Variants in PTGIS observed in about 807,000 individuals in gnomAD.
PTGIS encodes the protein prostaglandin I2 synthase.
A neutral mutation model predicts 50.3 loss-of-function variants in PTGIS; 45 were observed. That is an observed-to-expected ratio of 0.90 (90% CI 0.70 to 1.15). PTGIS has a LOEUF of 1.15. PTGIS is among the 50% of genes most tolerant of loss of function. The probability of loss-of-function intolerance (pLI) is 0.00; values close to 1 mark genes in which losing one functional copy is unlikely to be tolerated. For missense variants in PTGIS, 668 were observed against 661.3 expected (o/e 1.01, Z -0.11); for synonymous variants, 260 against 267.7 (o/e 0.97, Z 0.28).
At chr20:49,547,808 GC>G in intron 3 of PTGIS, 32 bp downstream of exon 3, 2 of 1,611,628 alleles carry the variant, frequency 1.2e-6, no homozygotes, top group East Asian at 2.2e-5. Flanking sequence ...GCCCACCCTG[GC>G]CCTCCCACAG....
Position 49,565,635 on chromosome 20 carries a change from G to A in PTGIS, c.74+2408C>T, listed in dbSNP as rs188205226. Among the ~76,000 whole-genome samples the A allele has an allele frequency of 3.0e-4, 46 of 152,286 alleles. 1 individual carries two copies. In the East Asian group the frequency reaches 8.7e-3, roughly 29 times the overall value. On this transcript the variant is annotated intron_variant, in intron 1 of 9. Transcript: ENST00000244043. ...AGCTATAATTGTACACTGCACTCCA[G>A]CCTGGGCCACAGTGTGAGATCCTAT... is the stretch of plus-strand genomic sequence containing the variant.
At chr20:49,552,143 C>T (rs142736666) in intron 1 of PTGIS, among the ~76,000 whole-genome samples, 315 of 150,944 alleles carry the variant, frequency 2.1e-3, no homozygotes, top group African/African-American at 3.5e-3. Flanking sequence ...TTTTGTATTG[C>T]GTTATCTGAT....
chr20:49,559,285 T>C (rs1356263013), intron 1 of PTGIS, among the ~76,000 whole-genome samples: 1 of 152,238 alleles, frequency 6.6e-6, no homozygotes, highest in Non-Finnish European at 1.5e-5. Flanking sequence ...CCATGATTTT[T>C]ATCTTCTATA....
At chr20:49,541,268 C>T (rs1397272500) in intron 4 of PTGIS, among the ~76,000 whole-genome samples, 1 of 151,926 alleles carries the variant, frequency 6.6e-6, no homozygotes, top group East Asian at 1.9e-4. Context: ...TAGACAGACA[C>T]GTGCTTGCCA....
At chr20:49,521,285 T>A (rs930068504) in intron 6 of PTGIS, among the ~76,000 whole-genome samples, 1 of 152,180 alleles carries the variant, frequency 6.6e-6, no homozygotes, top group African/African-American at 2.4e-5. Context: ...AAATCAGGAT[T>A]CAAACTCAGG....
intron 8 of PTGIS, among the ~76,000 whole-genome samples, chr20:49,511,999 G>T (rs115219892): frequency 0.018 from 2,688 of 152,166 alleles, 90 homozygotes; most frequent in African/African-American, 0.062. Context: ...ATGGATGGGT[G>T]GATAAGTAGA....
intron 8 of PTGIS, among the ~76,000 whole-genome samples, chr20:49,512,367 AAATG>A (rs1981345844): frequency 6.8e-6 from 1 of 146,672 alleles, no homozygotes; most frequent in South Asian, 2.2e-4. Flanking sequence ...CTGGATGGAT[AAATG>A]AATGGGTAGA....
chr20:49,560,754 C>T (rs1214445478), intron 1 of PTGIS, among the ~76,000 whole-genome samples: 3 of 152,052 alleles, frequency 2.0e-5, no homozygotes, highest in Non-Finnish European at 2.9e-5. Flanking sequence ...GTGAGGTTTT[C>T]GAGACAGCAG....
intron 4 of PTGIS, among the ~76,000 whole-genome samples, chr20:49,541,383 G>A (rs896952186): frequency 6.6e-6 from 1 of 152,058 alleles, no homozygotes. Context: ...CTAACTCAGA[G>A]AACCATTTCC....
At position 49,550,098 on chromosome 20, in the gene PTGIS, T is replaced by C; in HGVS notation, c.166A>G (p.Arg56Gly). ...FGKDAASFLT[R>G]MKEKHGDIFT... ...ATGTCACCGTGCTTCTCCTTCATCCTCGTGAGGAAGCTGGCAGCATCTTTT... is the reference window on the plus strand; with the variant it reads ...ATGTCACCGTGCTTCTCCTTCATCCCCGTGAGGAAGCTGGCAGCATCTTTT... Residue 56 changes from arginine (R) to glycine (G), a missense_variant, in exon 2 of 10, where the codon AGG becomes GGG. Physicochemically the swap from Arg to Gly is moderately radical, Grantham distance 125. Transcript: ENST00000244043. The C allele has an allele frequency of 1.2e-6, 2 of 1,614,168 alleles. No individual in the cohort carries two copies. The highest frequency in any genetic ancestry group is 1.7e-6 in the Non-Finnish European group (2 of 1,180,020).
intron 5 of PTGIS, among the ~76,000 whole-genome samples, chr20:49,529,502 T>A (rs1000828464): frequency 6.6e-6 from 1 of 152,242 alleles, no homozygotes; most frequent in Admixed American, 6.5e-5. Flanking sequence ...TCCTGTCTTA[T>A]CCAGTTTCAC....
At chr20:49,539,854 C>T in intron 4 of PTGIS, 133 bp from the exon 5 acceptor site, 6 of 1,268,250 alleles carry the variant, frequency 4.7e-6, no homozygotes, top group Non-Finnish European at 6.6e-6. Context: ...CCATTCTGGG[C>T]ACTGAACAGT....
chr20:49,541,696 T>C (rs1982233911), intron 4 of PTGIS, among the ~76,000 whole-genome samples: 1 of 151,968 alleles, frequency 6.6e-6, no homozygotes, highest in African/African-American at 2.4e-5. Context: ...GCGCCATTAT[T>C]GCACTCCAGC....
At chr20:49,536,846 T>TC (rs1048525061) in intron 5 of PTGIS, among the ~76,000 whole-genome samples, 1 of 151,542 alleles carries the variant, frequency 6.6e-6, no homozygotes, top group Non-Finnish European at 1.5e-5. Context: ...ATCCTGCTGT[T>TC]CCCCCCATTT....
chr20:49,529,158 T>C (rs1283701187), intron 5 of PTGIS, among the ~76,000 whole-genome samples: 1 of 152,128 alleles, frequency 6.6e-6, no homozygotes, highest in East Asian at 1.9e-4. Flanking sequence ...TAAGATCCAC[T>C]CTCTTAGCAA....
chr20:49,515,968 C>A (rs774963492), intron 6 of PTGIS, among the ~76,000 whole-genome samples: 1 of 151,922 alleles, frequency 6.6e-6, no homozygotes, highest in Non-Finnish European at 1.5e-5. Flanking sequence ...GCAGCCTCGA[C>A]CTCCTAGGCT....
At chr20:49,509,881 C>CTTTTTTTTTTTTTTTTTTTTTTTT (rs11337451) in intron 9 of PTGIS, among the ~76,000 whole-genome samples, 1 of 93,378 alleles carries the variant, frequency 1.1e-5, no homozygotes, top group Non-Finnish European at 2.0e-5. Context: ...TTCTTTCTTT[C>CTTTTTTTTTTTTTTTTTTTTTTTT]TTTTTTTTTT....
In PTGIS at chr20:49,544,466, A is replaced by G. The variant is rs547081954; in HGVS notation, c.378-18T>C. On this transcript the variant is annotated intron_variant, in intron 3 of 9. Transcript: ENST00000244043. ...GAAGAGTCCTGAGGCAGGAAACAAA[A>G]GCATGAAAATTTGGCTTCCAAAGGG... 3.7e-6 allele frequency: 6 copies of G among 1,614,126 alleles called. No individual in the cohort carries two copies. The African/African-American group carries it at 6.7e-5, about 18-fold the overall frequency.
At chr20:49,514,457 G>A (rs1356329382) in intron 6 of PTGIS, 62 bp from the exon 7 acceptor site, 8 of 1,579,702 alleles carry the variant, frequency 5.1e-6, no homozygotes, top group Non-Finnish European at 4.3e-6. Flanking sequence ...TCTCTGCCAG[G>A]GACACAGCTC....
Sources: allele counts gnomAD v4.1 joint callset (sites outside exome capture counted in the v4.1 genomes callset), GRCh38; gene constraint gnomAD v4.1.1; transcripts MANE v1.5; gene names NCBI Gene and HGNC (gene_info 2026-07-23, HGNC 2026-07-21).